CCDC124: variants seen among roughly 807,000 people sequenced by gnomAD.
CCDC124 encodes coiled-coil domain-containing protein 124.
CCDC124 carries 9 observed loss-of-function variants against 19.8 expected under a neutral mutation model. The observed-to-expected ratio is 0.45, with a 90% confidence interval of 0.27 to 0.79. The LOEUF (loss-of-function observed/expected upper bound fraction) is 0.79. CCDC124 is among the 30% of genes least tolerant of loss of function. CCDC124 has a pLI of 0.14. For synonymous variants in CCDC124, 126 were observed against 131.3 expected (o/e 0.96, Z 0.27); for missense variants, 285 against 319.0 (o/e 0.89, Z 0.81).
At position 17,942,566 on chromosome 19, in the gene CCDC124, C is replaced by T. The variant is rs1277719524; in HGVS notation, c.160-90C>T. 1.4e-6 allele frequency: 2 copies of T among 1,407,056 alleles called. No homozygotes were observed. Among genetic ancestry groups the T allele is most frequent in the Non-Finnish European group, 1.9e-6 (2 of 1,031,532 alleles). 87.2% of individuals were successfully genotyped at this position (1,407,056 alleles called of 1,614,324 possible). ...GCACCCAGCACAGAGCCTAAATCCTCGTTGGCTGAGATGAAAACTCGAACC... is the reference window on the plus strand; with the variant it reads ...GCACCCAGCACAGAGCCTAAATCCTTGTTGGCTGAGATGAAAACTCGAACC... On this transcript the variant is annotated intron_variant, in intron 2 of 4. Coordinates refer to ENST00000445755, the MANE Select transcript of CCDC124 (RefSeq NM_001136203.2). This position sits in a 1 kb window ranked among gnomAD's most constrained non-coding sequence, Gnocchi z 4.2.
intron 3 of CCDC124, 147 bp from the exon 4 acceptor site, chr19:17,943,114 A>C: frequency 1.3e-6 from 1 of 770,800 alleles, no homozygotes; most frequent in Middle Eastern, 3.6e-4. Flanking sequence ...AAGAGGGCTT[A>C]TCAGCTGAAG....
At chr19:17,941,942 G>A (rs2031192455) in intron 2 of CCDC124, among the ~76,000 whole-genome samples, 1 of 152,138 alleles carries the variant, frequency 6.6e-6, no homozygotes, top group Admixed American at 6.5e-5. Context: ...AGTGGGCAGA[G>A]TACTGCCCTG....
At chr19:17,940,333 G>T (rs148710532) in intron 2 of CCDC124, among the ~76,000 whole-genome samples, 1 of 152,256 alleles carries the variant, frequency 6.6e-6, no homozygotes, top group Non-Finnish European at 1.5e-5. Flanking sequence ...GGAGGGGGTT[G>T]GACAGGCAAT....
intron 3 of CCDC124, among the ~76,000 whole-genome samples, 161 bp downstream of exon 3, chr19:17,943,006 G>A (rs535398216): frequency 1.2e-4 from 18 of 152,272 alleles, no homozygotes; most frequent in Admixed American, 2.6e-4. Context: ...GCCGTGAGCA[G>A]ACAACCTCAG....
rs1405597964 is a variant in CCDC124 at position 17,942,627 on chromosome 19, C to T, written c.160-29C>T. 2 of 1,549,572 alleles carry T rather than the reference C, an allele frequency of 1.3e-6. No homozygotes were observed. The highest frequency in any genetic ancestry group is 1.7e-6 in the Non-Finnish European group (2 of 1,146,926). On this transcript the variant is annotated intron_variant, in intron 2 of 4. Coordinates refer to ENST00000445755, the MANE Select transcript of CCDC124 (RefSeq NM_001136203.2). The surrounding 1 kb of genome is among the most constrained non-coding windows in gnomAD (Gnocchi z 4.2). Reference sequence around the variant, plus strand: ...GGGTGGCGCGGGGGTGTGGGGTCTTCTGCCTGACCATGCACGCCGCCCCCG... The same window carrying T: ...GGGTGGCGCGGGGGTGTGGGGTCTTTTGCCTGACCATGCACGCCGCCCCCG...
rs758381298 is a variant in CCDC124 at position 17,943,617 on chromosome 19, C to T, written c.574C>T (p.Arg192Trp). The T allele has an allele frequency of 6.2e-7, 1 of 1,612,954 alleles. No individual in the cohort carries two copies. Among genetic ancestry groups the T allele is most frequent in the Admixed American group, 1.7e-5 (1 of 60,008 alleles). The change falls in exon 5 of 5, where the codon CGG becomes TGG. Residue 192 changes from arginine (R) to tryptophan (W), a missense_variant. Arg to Trp is a moderately radical substitution (Grantham distance 101, BLOSUM62 -3). Coordinates refer to ENST00000445755, the MANE Select transcript of CCDC124 (RefSeq NM_001136203.2). ...PRLKQENPNMRLSQLKQLLKK... is the reference protein window; with the variant it reads ...PRLKQENPNMWLSQLKQLLKK... ...GCTCAAACAAGAGAACCCCAACATG[C>T]GGCTGTCGCAGCTGAAACAGCTGCT...
At position 17,942,966 on chromosome 19, in the gene CCDC124, G is replaced by C; in HGVS notation, c.349+121G>C. Reference sequence around the variant, plus strand: ...GCCGGGGCTCCACGTGGTGCAGGGTGGGTGGGTAGGCCGCCTCCTGGTAGG... The same window carrying C: ...GCCGGGGCTCCACGTGGTGCAGGGTCGGTGGGTAGGCCGCCTCCTGGTAGG... On this transcript the variant is annotated intron_variant, in intron 3 of 4. Coordinates refer to ENST00000445755, the MANE Select transcript of CCDC124 (RefSeq NM_001136203.2). This position sits in a 1 kb window ranked among gnomAD's most constrained non-coding sequence, Gnocchi z 4.2. 8.1e-7 allele frequency: 1 copy of C among 1,235,052 alleles called. No individual in the cohort carries two copies. The highest frequency in any genetic ancestry group is 1.1e-6 in the Non-Finnish European group (1 of 913,340). The allele number at this position is 1,235,052 out of a possible 1,614,324, so 76.5% of individuals were successfully genotyped here.
At position 17,943,761 on chromosome 19, in the gene CCDC124, C is replaced by T; in HGVS notation, c.*46C>T. 4 of 1,568,160 alleles carry T rather than the reference C, an allele frequency of 2.6e-6. No homozygotes were observed. The highest frequency in any genetic ancestry group is 3.5e-6 in the Non-Finnish European group (4 of 1,146,618). Reference sequence around the variant, plus strand: ...GTTCACCCACGGGTGGTCCAGGTCACGACTCTGCACGCCCTTAGGCCAGGT... The same window carrying T: ...GTTCACCCACGGGTGGTCCAGGTCATGACTCTGCACGCCCTTAGGCCAGGT... On this transcript the variant is annotated 3_prime_UTR_variant, in exon 5 of 5. Transcript: ENST00000445755.
intron 2 of CCDC124, among the ~76,000 whole-genome samples, chr19:17,937,934 G>C (rs1258300242): frequency 1.3e-5 from 2 of 152,104 alleles, no homozygotes; most frequent in African/African-American, 4.8e-5. Context: ...GGTTTCTCCA[G>C]GTTGGTCAGG....
chr19:17,943,657 T>C lies in CCDC124; in HGVS notation c.614T>C (p.Leu205Pro). The C allele has an allele frequency of 6.2e-7, 1 of 1,612,834 alleles. No individual in the cohort carries two copies. Among genetic ancestry groups the C allele is most frequent in the South Asian group, 1.1e-5 (1 of 91,072 alleles). Residue 205 changes from leucine to proline, a missense_variant, in exon 5 of 5, where the codon CTC becomes CCC. Physicochemically the swap from Leu to Pro is moderately conservative, Grantham distance 98. Transcript: ENST00000445755. Reference protein sequence around the residue: ...QLKQLLKKEWLRSPDNPMNQR... With the variant: ...QLKQLLKKEWPRSPDNPMNQR... ...AAACAGCTGCTCAAGAAGGAGTGGC[T>C]CCGCTCTCCTGACAACCCCATGAAC...
At chr19:17,938,436 C>T (rs980490228) in intron 2 of CCDC124, among the ~76,000 whole-genome samples, 9 of 152,104 alleles carry the variant, frequency 5.9e-5, no homozygotes, top group African/African-American at 1.9e-4. Context: ...CAGTAGGTGG[C>T]GCCAGTGACC....
At position 17,943,241 on chromosome 19, in the gene CCDC124, T is replaced by TCTGGGGGGC; in HGVS notation, c.350-19_350-18insTGGGGGGCC. 2 of 736,670 alleles carry TCTGGGGGGC rather than the reference T, an allele frequency of 2.7e-6. No individual in the cohort carries two copies. The highest frequency in any genetic ancestry group is 2.4e-6 in the Non-Finnish European group (1 of 414,968). The allele number at this position is 736,670 out of a possible 1,614,324, so 45.6% of individuals were successfully genotyped here. A position where few individuals can be genotyped will look rare whatever the true frequency, so the allele number is the denominator to read the frequency against. On this transcript the variant is annotated intron_variant, in intron 3 of 4. Transcript: ENST00000445755. ...CTTTGCTTATCTCTCTCTGTCTCTG[T>TCTGGGGGGC]CACCCACCCACCCGCCCAGCCGAGA... is the stretch of plus-strand genomic sequence containing the variant.
At position 17,943,598 on chromosome 19, in the gene CCDC124, A is replaced by T; in HGVS notation, c.555A>T (p.Lys185Asn). The stretch of plus-strand genomic sequence containing the variant: ...AGGAAGCCCAGCTGCCGCGGCTCAA[A>T]CAAGAGAACCCCAACATGCGGCTGT... ...AFEEAQLPRL[K>N]QENPNMRLSQ... The change falls in exon 5 of 5, where the codon AAA (lysine) becomes AAT (asparagine). Residue 185 changes from lysine to asparagine, a missense_variant. By Grantham distance (94) the Lys-to-Asn change is moderately conservative (BLOSUM62 0). Coordinates refer to ENST00000445755, the MANE Select transcript of CCDC124 (RefSeq NM_001136203.2). The T allele has an allele frequency of 6.2e-7, 1 of 1,612,988 alleles. No individual in the cohort carries two copies. Among genetic ancestry groups the T allele is most frequent in the Non-Finnish European group, 8.5e-7 (1 of 1,179,950 alleles).
In CCDC124 at chr19:17,943,594, TCAAA is replaced by T. The variant is rs2031242365; in HGVS notation, c.555_558del (p.Gln186ArgfsTer10). The T allele has an allele frequency of 6.2e-7, 1 of 1,612,756 alleles. No homozygotes were observed. The highest frequency in any genetic ancestry group is 8.5e-7 in the Non-Finnish European group (1 of 1,179,950). ...TTTGAGGAAGCCCAGCTGCCGCGGCTCAAACAAGAGAACCCCAACATGCGGCTGT... is the reference window on the plus strand; with the variant it reads ...TTTGAGGAAGCCCAGCTGCCGCGGCTCAAGAGAACCCCAACATGCGGCTGT... On this transcript the variant is annotated frameshift_variant, in exon 5 of 5. Transcript: ENST00000445755. LOFTEE classifies it high-confidence loss of function.
intron 2 of CCDC124, among the ~76,000 whole-genome samples, chr19:17,937,484 C>T (rs946158797): frequency 3.9e-5 from 6 of 152,186 alleles, no homozygotes; most frequent in Non-Finnish European, 8.8e-5. Flanking sequence ...TGGAGCTACT[C>T]TGCCCCTGAG....
Position 17,942,292 on chromosome 19 carries a change from A to G in CCDC124, c.160-364A>G, listed in dbSNP as rs1262560411. ...CCCGGCCTCTTCCCCCTCCCGCTTC[A>G]CTCCCACTCCAGCCTCCAAGCTGTT... On this transcript the variant is annotated intron_variant, in intron 2 of 4. Transcript: ENST00000445755. This position sits in a 1 kb window ranked among gnomAD's most constrained non-coding sequence, Gnocchi z 4.2. 6.7e-6 allele frequency among the ~76,000 whole-genome samples: 1 copy of G among 149,788 alleles called. No individual in the cohort carries two copies. The highest frequency in any genetic ancestry group is 1.5e-5 in the Non-Finnish European group (1 of 67,362).
At position 17,943,241 on chromosome 19, in the gene CCDC124, T is replaced by TCTCCCC; in HGVS notation, c.350-19_350-18insTCCCCC. On this transcript the variant is annotated intron_variant, in intron 3 of 4. Coordinates refer to ENST00000445755, the MANE Select transcript of CCDC124 (RefSeq NM_001136203.2). ...CTTTGCTTATCTCTCTCTGTCTCTG[T>TCTCCCC]CACCCACCCACCCGCCCAGCCGAGA... The TCTCCCC allele has an allele frequency of 1.4e-6, 1 of 736,678 alleles. No homozygotes were observed. Among genetic ancestry groups the TCTCCCC allele is most frequent in the Non-Finnish European group, 2.4e-6 (1 of 414,970 alleles). The allele number at this position is 736,678 out of a possible 1,614,324, so 45.6% of individuals were successfully genotyped here. A position where few individuals can be genotyped will look rare whatever the true frequency, so the allele number is the denominator to read the frequency against.
chr19:17,941,945 C>G (rs892132974), intron 2 of CCDC124, among the ~76,000 whole-genome samples: 2 of 152,122 alleles, frequency 1.3e-5, no homozygotes, highest in Admixed American at 6.5e-5. Flanking sequence ...GGGCAGAGTA[C>G]TGCCCTGAGC....
chr19:17,943,241 T>TCTGCGCCCC lies in CCDC124; in HGVS notation c.350-19_350-18insTGCGCCCCC. On this transcript the variant is annotated intron_variant, in intron 3 of 4. Transcript: ENST00000445755. ...CTTTGCTTATCTCTCTCTGTCTCTG[T>TCTGCGCCCC]CACCCACCCACCCGCCCAGCCGAGA... 1.4e-6 allele frequency: 1 copy of TCTGCGCCCC among 736,678 alleles called. No individual in the cohort carries two copies. Among genetic ancestry groups the TCTGCGCCCC allele is most frequent in the East Asian group, 2.7e-5 (1 of 37,086 alleles). The allele number at this position is 736,678 out of a possible 1,614,324, so 45.6% of individuals were successfully genotyped here.
Sources: allele counts gnomAD v4.1 joint callset (sites outside exome capture counted in the v4.1 genomes callset), GRCh38; gene constraint gnomAD v4.1.1; non-coding constraint Gnocchi (gnomAD v3.1); transcripts MANE v1.5; gene names NCBI Gene and HGNC (gene_info 2026-07-23, HGNC 2026-07-21).